Variants in ATXN10 observed in about 807,000 individuals in gnomAD.
ATXN10 encodes ataxin 10.
ATXN10 carries 28 observed loss-of-function variants against 52.9 expected under a neutral mutation model. The observed-to-expected ratio is 0.53, with a 90% confidence interval of 0.39 to 0.73. The LOEUF is 0.73. Among genes scored for constraint, ATXN10 ranks in the 30% least tolerant of loss-of-function variants. The pLI is 0.00. For missense variants in ATXN10, 565 were observed against 577.0 expected (o/e 0.98, Z 0.21); for synonymous variants, 226 against 221.5 (o/e 1.02, Z -0.18).
chr22:45,727,561 A>T lies in ATXN10; in HGVS notation c.729-1864A>T, dbSNP rs1924929292. Reference sequence around the variant, plus strand: ...TTTTTAGTAGAGATGGGGTTTCACCATGTTGGCCAGGCTGGTCTCGAATGC... The same window carrying T: ...TTTTTAGTAGAGATGGGGTTTCACCTTGTTGGCCAGGCTGGTCTCGAATGC... On this transcript the variant is annotated intron_variant, in intron 6 of 11. Coordinates refer to ENST00000252934, the MANE Select transcript of ATXN10 (RefSeq NM_013236.4). The surrounding 1 kb of genome is among the most constrained non-coding windows in gnomAD (Gnocchi z 4.6). Among the ~76,000 whole-genome samples, 1 of 151,706 alleles carries T rather than the reference A, an allele frequency of 6.6e-6. No individual in the cohort carries two copies. The highest frequency in any genetic ancestry group is 2.4e-5 in the African/African-American group (1 of 41,282).
At chr22:45,811,926 C>G (rs1412162719) in intron 10 of ATXN10, 5 of 383,122 alleles carry the variant, frequency 1.3e-5, no homozygotes, top group Non-Finnish European at 2.1e-5. Flanking sequence ...TCCTAGACGG[C>G]CCATCATCCT....
At position 45,826,185 on chromosome 22, in the gene ATXN10, A is replaced by C. The variant is rs1928809630; in HGVS notation, c.1238-16806A>C. Among the ~76,000 whole-genome samples, 1 of 152,356 alleles carries C rather than the reference A, an allele frequency of 6.6e-6. No homozygotes were observed. Among genetic ancestry groups the C allele is most frequent in the East Asian group, 1.9e-4 (1 of 5,192 alleles). On this transcript the variant is annotated intron_variant, in intron 10 of 11. Coordinates refer to ENST00000252934, the MANE Select transcript of ATXN10 (RefSeq NM_013236.4). The surrounding 1 kb of genome is among the most constrained non-coding windows in gnomAD (Gnocchi z 5.0). ...AAAGTACAATACCTGAAATAAATTT[A>C]CTAGAAGGATTCGAAGACAGATTTG... is the stretch of plus-strand genomic sequence containing the variant.
Position 45,696,867 on chromosome 22 carries a change from A to G in ATXN10, c.392-3415A>G, listed in dbSNP as rs1923629078. Among the ~76,000 whole-genome samples, 1 of 152,200 alleles carries G rather than the reference A, an allele frequency of 6.6e-6. No individual in the cohort carries two copies. The highest frequency in any genetic ancestry group is 2.4e-5 in the African/African-American group (1 of 41,448). On this transcript the variant is annotated intron_variant, in intron 3 of 11. Transcript: ENST00000252934. This position sits in a 1 kb window ranked among gnomAD's most constrained non-coding sequence, Gnocchi z 4.7. Reference sequence around the variant, plus strand: ...ATATCTGAAACTACTTTTATGAACCAGTTTGTCATTGAGGAGTAAATTGGT... The same window carrying G: ...ATATCTGAAACTACTTTTATGAACCGGTTTGTCATTGAGGAGTAAATTGGT...
At chr22:45,686,901 G>T (rs770590991) in intron 1 of ATXN10, among the ~76,000 whole-genome samples, 1 of 152,016 alleles carries the variant, frequency 6.6e-6, no homozygotes, top group South Asian at 2.1e-4. Context: ...CTGGTGGTGA[G>T]ATATGTTTGA....
chr22:45,832,301 C>G (rs1400738509), intron 10 of ATXN10, among the ~76,000 whole-genome samples: 2 of 152,228 alleles, frequency 1.3e-5, no homozygotes, highest in African/African-American at 4.8e-5. Flanking sequence ...ACTCATTCTT[C>G]CCAGCCATAC....
rs931129690 is a variant in ATXN10 at position 45,728,215 on chromosome 22, A to G, written c.729-1210A>G. ...GCATTTTGTGCTTTCAAGAGGTTCC[A>G]TGCTGGTGCCTGTCGACCTTTTATT... On this transcript the variant is annotated intron_variant, in intron 6 of 11. Transcript: ENST00000252934. The surrounding 1 kb of genome is among the most constrained non-coding windows in gnomAD (Gnocchi z 4.3). Among the ~76,000 whole-genome samples, 6 of 152,154 alleles carry G rather than the reference A, an allele frequency of 3.9e-5. No individual in the cohort carries two copies. The highest frequency in any genetic ancestry group is 1.4e-4 in the African/African-American group (6 of 41,434).
At chr22:45,751,453 A>G (rs1218983226) in intron 9 of ATXN10, among the ~76,000 whole-genome samples, 1 of 146,726 alleles carries the variant, frequency 6.8e-6, no homozygotes, top group Non-Finnish European at 1.5e-5. Context: ...AGAGAGAGGA[A>G]GAGACAGACA....
chr22:45,683,393 G>A lies in ATXN10; in HGVS notation c.117-6319G>A, dbSNP rs1356267765. ...AGCCAGCGTCCTTCCGTGGCCTACT[G>A]TGCCTGTCCAGGGTGGCTCTGTCTT... On this transcript the variant is annotated intron_variant, in intron 1 of 11. Transcript: ENST00000252934. This position sits in a 1 kb window ranked among gnomAD's most constrained non-coding sequence, Gnocchi z 4.8. 6.6e-6 allele frequency among the ~76,000 whole-genome samples: 1 copy of A among 152,118 alleles called. No individual in the cohort carries two copies. Among genetic ancestry groups the A allele is most frequent in the Non-Finnish European group, 1.5e-5 (1 of 68,020 alleles).
rs1481654504 is a variant in ATXN10, at chr22:45,787,952, A to G, written c.1174-19007A>G. Reference sequence around the variant, plus strand: ...GTGTTTACATTTGCCTACAATATTTAGTGTGGGATTACTCAAATCTTTTGG... The same window carrying G: ...GTGTTTACATTTGCCTACAATATTTGGTGTGGGATTACTCAAATCTTTTGG... On this transcript the variant is annotated intron_variant, in intron 9 of 11. Transcript: ENST00000252934. The surrounding 1 kb of genome is among the most constrained non-coding windows in gnomAD (Gnocchi z 4.2). Among the ~76,000 whole-genome samples the G allele has an allele frequency of 6.6e-6, 1 of 152,186 alleles. No individual in the cohort carries two copies.
intron 2 of ATXN10, among the ~76,000 whole-genome samples, chr22:45,692,499 A>G (rs1050299174): frequency 1.3e-5 from 2 of 152,242 alleles, no homozygotes; most frequent in African/African-American, 4.8e-5. Context: ...TTCTAGTTAG[A>G]AATACTACAA....
intron 3 of ATXN10, among the ~76,000 whole-genome samples, chr22:45,698,383 ACGTACTTATTGGC>A (rs952046423): frequency 1.5e-4 from 23 of 152,184 alleles, no homozygotes; most frequent in African/African-American, 5.3e-4. Flanking sequence ...CTAAATGATC[ACGTACTTATTGGC>A]CGTTTGTAAA....
intron 5 of ATXN10, among the ~76,000 whole-genome samples, chr22:45,711,677 A>G (rs1017301805): frequency 8.5e-5 from 13 of 152,314 alleles, no homozygotes; most frequent in African/African-American, 2.4e-4. Flanking sequence ...TGCATCTACA[A>G]TGATCTCAAA....
intron 9 of ATXN10, among the ~76,000 whole-genome samples, chr22:45,749,259 G>A (rs946278667): frequency 2.0e-5 from 3 of 152,076 alleles, no homozygotes; most frequent in African/African-American, 4.8e-5. Context: ...ATTAATGGAC[G>A]CTGGATGACT....
At position 45,738,761 on chromosome 22, in the gene ATXN10, G is replaced by T; in HGVS notation, c.925G>T (p.Val309Phe). 1.2e-6 allele frequency: 2 copies of T among 1,614,000 alleles called. No individual in the cohort carries two copies. Among genetic ancestry groups the T allele is most frequent in the Non-Finnish European group, 1.7e-6 (2 of 1,179,982 alleles). ...EALATIRLLD[V>F]LCEMTVNTEL... ...ACTGGCTACAATTAGGCTTCTCGACGTCCTGTGCGAAATGACTGTGAATAC... is the reference window on the plus strand; with the variant it reads ...ACTGGCTACAATTAGGCTTCTCGACTTCCTGTGCGAAATGACTGTGAATAC... Residue 309 changes from valine (V) to phenylalanine (F), a missense_variant, in exon 8 of 12, where the codon GTC becomes TTC. Val to Phe is a conservative substitution (Grantham distance 50). Transcript: ENST00000252934.
At chr22:45,776,185 T>G (rs1488712354) in intron 9 of ATXN10, among the ~76,000 whole-genome samples, 2 of 152,234 alleles carry the variant, frequency 1.3e-5, no homozygotes, top group Admixed American at 6.5e-5. Flanking sequence ...TGTAAAGGCT[T>G]CAGTGATTGT....
At chr22:45,752,198 C>T (rs559920124) in intron 9 of ATXN10, among the ~76,000 whole-genome samples, 5 of 152,264 alleles carry the variant, frequency 3.3e-5, no homozygotes, top group African/African-American at 1.2e-4. Flanking sequence ...ATGTGTTTGC[C>T]ATATGCTGTG....
Position 45,786,106 on chromosome 22 carries a change from C to T in ATXN10, c.1174-20853C>T, listed in dbSNP as rs1927314154. Among the ~76,000 whole-genome samples the T allele has an allele frequency of 6.6e-6, 1 of 152,064 alleles. No individual in the cohort carries two copies. The highest frequency in any genetic ancestry group is 2.4e-5 in the African/African-American group (1 of 41,388). On this transcript the variant is annotated intron_variant, in intron 9 of 11. Coordinates refer to ENST00000252934, the MANE Select transcript of ATXN10 (RefSeq NM_013236.4). The surrounding 1 kb of genome is among the most constrained non-coding windows in gnomAD (Gnocchi z 4.1). ...TTGAATAATTCATGAGAAAATTGCA[C>T]TAAATTCAGATGTGAATGTTTGCTA...
chr22:45,772,986 C>T lies in ATXN10; in HGVS notation c.1173+32448C>T, dbSNP rs1781580123. Among the ~76,000 whole-genome samples, 1 of 152,192 alleles carries T rather than the reference C, an allele frequency of 6.6e-6. No homozygotes were observed. Among genetic ancestry groups the T allele is most frequent in the Non-Finnish European group, 1.5e-5 (1 of 68,038 alleles). On this transcript the variant is annotated intron_variant, in intron 9 of 11. Transcript: ENST00000252934. The surrounding 1 kb of genome is among the most constrained non-coding windows in gnomAD (Gnocchi z 4.1). ...AAATGCTGTGTGCATAGTTGCTATA[C>T]TGTATTTTTAAAGTCTTTTTCCCCC...
Position 45,841,031 on chromosome 22 carries a change from G to A in ATXN10, c.1238-1960G>A, listed in dbSNP as rs1475020558. On this transcript the variant is annotated intron_variant, in intron 10 of 11. Transcript: ENST00000252934. This position sits in a 1 kb window ranked among gnomAD's most constrained non-coding sequence, Gnocchi z 5.1. ...AATAATTCATTGTTGAGAAGTTGAC[G>A]GATATGTTGGAAGTGCTTGATACCG... is the stretch of plus-strand genomic sequence containing the variant. Among the ~76,000 whole-genome samples, 1 of 152,152 alleles carries A rather than the reference G, an allele frequency of 6.6e-6. No homozygotes were observed. The highest frequency in any genetic ancestry group is 1.5e-5 in the Non-Finnish European group (1 of 68,030).
Sources: gnomAD v4.1 joint callset for allele counts (sites outside exome capture counted in the v4.1 genomes callset) on GRCh38, gnomAD v4.1.1 for gene constraint, Gnocchi (gnomAD v3.1) non-coding constraint, MANE v1.5 for transcripts, NCBI Gene and HGNC (gene_info 2026-07-23, HGNC 2026-07-21) for gene names.